ZNF761: variants seen among roughly 807,000 people sequenced by gnomAD.
The protein encoded by ZNF761 is zinc finger protein 761.
Under a neutral mutation model 59.9 loss-of-function variants are expected in ZNF761, and 43 were observed. That is an observed-to-expected ratio of 0.72 (90% confidence interval 0.56 to 0.92). ZNF761 has a LOEUF of 0.92. Ranked by LOEUF, ZNF761 falls within the 40% of genes least tolerant of loss-of-function variation. ZNF761 has a pLI of 0.00. For synonymous variants in ZNF761, 294 were observed against 304.8 expected (o/e 0.96, Z 0.37); for missense variants, 850 against 906.1 (o/e 0.94, Z 0.79).
At chr19:53,439,301 T>G (rs1234612173) in intron 1 of ZNF761, among the ~76,000 whole-genome samples, 1 of 151,282 alleles carries the variant, frequency 6.6e-6, no homozygotes, top group Non-Finnish European at 1.5e-5. Flanking sequence ...GTGGTAGTTG[T>G]TTTTGTTGTT....
rs2086285644 is a variant in ZNF761 at position 53,457,880 on chromosome 19, A to C, written c.*1132A>C. 6.5e-6 allele frequency: 1 copy of C among 153,056 alleles called. No homozygotes were observed. The highest frequency in any genetic ancestry group is 1.9e-4 in the East Asian group (1 of 5,200). The allele number at this position is 153,056 out of a possible 1,614,324, so 9.5% of individuals were successfully genotyped here. ...GGGATTTTTATGGATATCATGTTGA[A>C]TCTAAATCACATTGGGTTATTATAT... On this transcript the variant is annotated 3_prime_UTR_variant, in exon 5 of 5. Transcript: ENST00000684525.
rs1321441182 is a variant in ZNF761, at chr19:53,458,078, C to G, written c.*1330C>G. Reference sequence around the variant, plus strand: ...GCAAATGGAAGTGTTTTAAAATTTTCTTTTAAAATTGTTTATTGTTAAAGT... The same window carrying G: ...GCAAATGGAAGTGTTTTAAAATTTTGTTTTAAAATTGTTTATTGTTAAAGT... On this transcript the variant is annotated 3_prime_UTR_variant, in exon 5 of 5. Transcript: ENST00000684525. The G allele has an allele frequency of 1.3e-5, 2 of 152,244 alleles. No homozygotes were observed. Among genetic ancestry groups the G allele is most frequent in the East Asian group, 3.9e-4 (2 of 5,192 alleles). The allele number at this position is 152,244 out of a possible 1,614,324, so 9.4% of individuals were successfully genotyped here.
At position 53,455,244 on chromosome 19, in the gene ZNF761, T is replaced by C; in HGVS notation, c.737T>C (p.Val246Ala). 6.2e-7 allele frequency: 1 copy of C among 1,614,200 alleles called. No homozygotes were observed. Among genetic ancestry groups the C allele is most frequent in the Non-Finnish European group, 8.5e-7 (1 of 1,180,038 alleles). ...IHLADKYKCDVCGKLFNQKRN... is the reference protein window; with the variant it reads ...IHLADKYKCDACGKLFNQKRN... Reference sequence around the variant, plus strand: ...TTAGCAGACAAATATAAATGTGATGTATGTGGCAAGCTCTTTAATCAGAAG... The same window carrying C: ...TTAGCAGACAAATATAAATGTGATGCATGTGGCAAGCTCTTTAATCAGAAG... Residue 246 changes from valine to alanine, a missense_variant, in exon 5 of 5, where the codon GTA (valine) becomes GCA (alanine). Transcript: ENST00000684525.
chr19:53,437,137 G>A (rs2086050962), intron 1 of ZNF761, among the ~76,000 whole-genome samples: 1 of 151,958 alleles, frequency 6.6e-6, no homozygotes, highest in Non-Finnish European at 1.5e-5. Flanking sequence ...CCAACATGGT[G>A]ACAACCCATC....
At chr19:53,444,392 T>G (rs1442639689) in intron 1 of ZNF761, 2 of 152,218 alleles carry the variant, frequency 1.3e-5, no homozygotes, top group African/African-American at 4.8e-5. Flanking sequence ...TACTGCTCTT[T>G]ACTGCACTGA....
chr19:53,433,470 C>T (rs1167306367), intron 1 of ZNF761, among the ~76,000 whole-genome samples: 44 of 33,038 alleles, frequency 1.3e-3, no homozygotes, highest in African/African-American at 0.012. Context: ...CCAAGTCGAG[C>T]TTGCTAGGCA....
Position 53,456,393 on chromosome 19 carries a change from C to T in ZNF761, c.1886C>T (p.Thr629Ile). ...CTTACATGCCATCGTAGACTTCATA[C>T]CGGAGAGAAACCTTACAAATGTGAA... ...SSLTCHRRLHTGEKPYKCEEC... is the reference protein window; with the variant it reads ...SSLTCHRRLHIGEKPYKCEEC... Residue 629 changes from threonine to isoleucine, a missense_variant, in exon 5 of 5, where the codon ACC (threonine) becomes ATC (isoleucine). Coordinates refer to ENST00000684525, the MANE Select transcript of ZNF761 (RefSeq NM_001289951.2). 1 of 1,613,814 alleles carries T rather than the reference C, an allele frequency of 6.2e-7. No individual in the cohort carries two copies. The highest frequency in any genetic ancestry group is 8.5e-7 in the Non-Finnish European group (1 of 1,179,946).
At chr19:53,437,666 C>A (rs543672555) in intron 1 of ZNF761, among the ~76,000 whole-genome samples, 1 of 152,244 alleles carries the variant, frequency 6.6e-6, no homozygotes, top group East Asian at 1.9e-4. Context: ...CTTTTGGTGG[C>A]CTCTGCAATG....
intron 3 of ZNF761, among the ~76,000 whole-genome samples, chr19:53,447,583 G>T (rs986096501): frequency 1.3e-5 from 2 of 152,150 alleles, no homozygotes; most frequent in African/African-American, 2.4e-5. Flanking sequence ...GATTGTTCAG[G>T]GGCCACATCT....
intron 1 of ZNF761, among the ~76,000 whole-genome samples, chr19:53,438,974 C>T (rs2086070688): frequency 6.6e-6 from 1 of 152,136 alleles, no homozygotes; most frequent in African/African-American, 2.4e-5. Context: ...CAATGTTTCT[C>T]TAAAGATTGT....
intron 1 of ZNF761, among the ~76,000 whole-genome samples, chr19:53,437,883 TATTA>T (rs2086059569): frequency 6.7e-6 from 1 of 150,106 alleles, no homozygotes; most frequent in African/African-American, 2.5e-5. Flanking sequence ...TTGTCAGGGC[TATTA>T]ATTCTGCCTT....
chr19:53,455,073 C>T lies in ZNF761; in HGVS notation c.566C>T (p.Ser189Phe), dbSNP rs770678623. Reference protein sequence around the residue: ...RISCRPKTHISNNHGNNFWNS... With the variant: ...RISCRPKTHIFNNHGNNFWNS... The stretch of plus-strand genomic sequence containing the variant: ...TCTTGTAGGCCCAAAACCCATATAT[C>T]TAATAACCATGGGAATAATTTCTGG... Residue 189 changes from serine (S) to phenylalanine (F), a missense_variant, in exon 5 of 5, where the codon TCT becomes TTT. Transcript: ENST00000684525. 3.7e-6 allele frequency: 6 copies of T among 1,614,116 alleles called. No homozygotes were observed. The South Asian group carries it at 6.6e-5, about 18-fold the overall frequency.
Position 53,455,373 on chromosome 19 carries a change from G to T in ZNF761, c.866G>T (p.Arg289Leu). 1 of 1,611,600 alleles carries T rather than the reference G, an allele frequency of 6.2e-7. No homozygotes were observed. The highest frequency in any genetic ancestry group is 8.5e-7 in the Non-Finnish European group (1 of 1,179,394). The part of the protein sequence containing the change: ...FSQTSSLTCH[R>L]RLHTGEKPYK... ...CAGACGTCATCCCTTACATGCCATCGTAGACTTCATACTGGAGAGAAACCT... is the reference window on the plus strand; with the variant it reads ...CAGACGTCATCCCTTACATGCCATCTTAGACTTCATACTGGAGAGAAACCT... Residue 289 changes from arginine to leucine, a missense_variant, in exon 5 of 5, where the codon CGT becomes CTT. Transcript: ENST00000684525.
intron 1 of ZNF761, chr19:53,442,102 G>A (rs984936219): frequency 4.0e-5 from 41 of 1,015,558 alleles, no homozygotes; most frequent in African/African-American, 1.6e-4. Flanking sequence ...TGGAAGAAGC[G>A]GGAAAAGCTG....
chr19:53,440,891 G>A (rs73045326), intron 1 of ZNF761, among the ~76,000 whole-genome samples: 20,826 of 152,134 alleles, frequency 0.14, 1,501 homozygotes, highest in East Asian at 0.23. Context: ...TCCCAGGCTG[G>A]TCTCAACATC....
Position 53,456,755 on chromosome 19 carries a change from T to C in ZNF761, c.*7T>C. ...TGGAGAAAAACAAGTGTAATGAATG[T>C]GGTGAGGTTTTTAATCAACAAGCAC... On this transcript the variant is annotated 3_prime_UTR_variant, in exon 5 of 5. Coordinates refer to ENST00000684525, the MANE Select transcript of ZNF761 (RefSeq NM_001289951.2). 1 of 1,612,830 alleles carries C rather than the reference T, an allele frequency of 6.2e-7. No individual in the cohort carries two copies. The highest frequency in any genetic ancestry group is 8.5e-7 in the Non-Finnish European group (1 of 1,179,230).
intron 3 of ZNF761, 86 bp from the exon 4 acceptor site, chr19:53,449,426 C>CT (rs1235338891): frequency 1.9e-6 from 3 of 1,598,820 alleles, no homozygotes; most frequent in Non-Finnish European, 2.6e-6. Context: ...CATTTAAATC[C>CT]ATGCCTTCAC....
At position 53,455,499 on chromosome 19, in the gene ZNF761, G is replaced by T; in HGVS notation, c.992G>T (p.Cys331Phe). ...GAGAAACCATATAAGTGTAATGAGT[G>T]TGGCAAGACCTTTAGGCAGAAGTCA... is the stretch of plus-strand genomic sequence containing the variant. ...TEEKPYKCNE[C>F]GKTFRQKSIL... The change falls in exon 5 of 5, where the codon TGT becomes TTT. Residue 331 changes from cysteine (C) to phenylalanine (F), a missense_variant. Transcript: ENST00000684525. 1 of 1,614,120 alleles carries T rather than the reference G, an allele frequency of 6.2e-7. No individual in the cohort carries two copies. The highest frequency in any genetic ancestry group is 1.7e-5 in the Admixed American group (1 of 60,014).
chr19:53,446,062 C>T (rs1044359874), intron 1 of ZNF761, among the ~76,000 whole-genome samples, 165 bp from the exon 2 acceptor site: 17 of 152,224 alleles, frequency 1.1e-4, no homozygotes, highest in Non-Finnish European at 5.9e-5. Flanking sequence ...TAAATGATCA[C>T]GGCCCTGTGC....
Sources: allele counts gnomAD v4.1 joint callset (sites outside exome capture counted in the v4.1 genomes callset), GRCh38; gene constraint gnomAD v4.1.1; transcripts MANE v1.5; gene names NCBI Gene and HGNC (gene_info 2026-07-23, HGNC 2026-07-21).